The following CAPN13 variants were observed in gnomAD, a reference collection of about 807,000 sequenced individuals.
CAPN13 encodes calpain 13.
CAPN13 carries 90 observed loss-of-function variants against 98.4 expected under a neutral mutation model. The observed-to-expected ratio is 0.92, with a 90% confidence interval of 0.77 to 1.09. The LOEUF is 1.09. Among genes scored for constraint, CAPN13 ranks in the 50% least tolerant of loss-of-function variants. The pLI, the probability that CAPN13 is intolerant of heterozygous loss-of-function variation, is 0.00. For missense variants in CAPN13, 887 were observed against 841.3 expected (o/e 1.05, Z -0.67); for synonymous variants, 330 against 305.5 (o/e 1.08, Z -0.84).
rs780084903 is a variant in CAPN13 at position 30,738,411 on chromosome 2, T to C, written c.1583A>G (p.Glu528Gly). 2.5e-5 allele frequency: 40 copies of C among 1,608,712 alleles called. No homozygotes were observed. The highest frequency in any genetic ancestry group is 6.8e-5 in the Admixed American group (4 of 59,196). The change falls in exon 16 of 23, where the codon GAG becomes GGG. Residue 528 changes from glutamate to glycine, a missense_variant. Coordinates refer to ENST00000295055, the MANE Select transcript of CAPN13 (RefSeq NM_144575.3). ...ATQLQGLLNQ[E>G]LLTGPPGDMF... ...TGGGCTGCTCATACCTGTTAGAAGC[T>C]CCTGGTTGAGAAGGCCCTGAAGCTG...
intron 15 of CAPN13, chr2:30,741,662 C>A: frequency 7.4e-7 from 1 of 1,350,796 alleles, no homozygotes; most frequent in East Asian, 2.9e-5. Flanking sequence ...CATAATTATC[C>A]CCTCCCTTTC....
chr2:30,759,150 C>CCTTAT (rs111480023), intron 7 of CAPN13, among the ~76,000 whole-genome samples: 102,748 of 134,098 alleles, frequency 0.77, 40,104 homozygotes, highest in African/African-American at 0.87. Context: ...TCTTCCCCTT[C>CCTTAT]CTTTTTTCCT....
chr2:30,739,521 C>T (rs1398744813), intron 15 of CAPN13, among the ~76,000 whole-genome samples: 3 of 152,208 alleles, frequency 2.0e-5, no homozygotes, highest in Non-Finnish European at 4.4e-5. Flanking sequence ...AGATGGTCCT[C>T]GGGTCATTTC....
intron 12 of CAPN13, 176 bp from the exon 13 acceptor site, chr2:30,743,755 G>C: frequency 2.8e-6 from 2 of 708,472 alleles, no homozygotes; most frequent in South Asian, 1.5e-5. Flanking sequence ...TGTTTAGCCT[G>C]TCATTTCATC....
intron 1 of CAPN13, among the ~76,000 whole-genome samples, chr2:30,790,977 TAAA>T: frequency 6.6e-6 from 1 of 152,092 alleles, no homozygotes; most frequent in South Asian, 2.1e-4. Flanking sequence ...AATTGCCTCT[TAAA>T]GACCTTATCT....
intron 11 of CAPN13, among the ~76,000 whole-genome samples, chr2:30,749,139 T>G (rs1371208168): frequency 6.6e-6 from 1 of 152,178 alleles, no homozygotes; most frequent in Non-Finnish European, 1.5e-5. Context: ...AATGTGAACA[T>G]GCTTGTACTT....
chr2:30,750,143 T>A (rs1672102098), intron 11 of CAPN13, among the ~76,000 whole-genome samples: 1 of 152,178 alleles, frequency 6.6e-6, no homozygotes, highest in Non-Finnish European at 1.5e-5. Context: ...CAAAAACAGC[T>A]GTTTTTTTCT....
Position 30,789,754 on chromosome 2 carries a change from G to A in CAPN13, c.-32-2397C>T, listed in dbSNP as rs147669337. 4.8e-3 allele frequency among the ~76,000 whole-genome samples: 728 copies of A among 152,350 alleles called. 9 individuals carry two copies. Among genetic ancestry groups the A allele is most frequent in the African/African-American group, 0.016 (657 of 41,574 alleles). On this transcript the variant is annotated intron_variant, in intron 1 of 22. Transcript: ENST00000295055. ...GTAAGTACAAAGCAGCCAATACATG[G>A]TGGTTATTAGGATGATGATCATTGT...
intron 1 of CAPN13, among the ~76,000 whole-genome samples, chr2:30,803,212 G>A (rs780417763): frequency 6.6e-6 from 1 of 152,212 alleles, no homozygotes; most frequent in Non-Finnish European, 1.5e-5. Flanking sequence ...AGAAGAACAG[G>A]GGCAAAGATT....
chr2:30,755,059 T>C (rs1983382), intron 8 of CAPN13, among the ~76,000 whole-genome samples: 2,878 of 152,232 alleles, frequency 0.019, 62 homozygotes, highest in East Asian at 0.094. Flanking sequence ...TTTCTTGCTT[T>C]CTCACCTTAC....
intron 10 of CAPN13, 51 bp downstream of exon 10, chr2:30,753,002 T>C: frequency 6.2e-7 from 1 of 1,605,266 alleles, no homozygotes; most frequent in Non-Finnish European, 8.5e-7. Context: ...AGGGCTGGGC[T>C]GGGGCAGCCA....
chr2:30,788,066 G>A (rs893230735), intron 1 of CAPN13, among the ~76,000 whole-genome samples: 5 of 152,088 alleles, frequency 3.3e-5, no homozygotes, highest in African/African-American at 9.7e-5. Flanking sequence ...AACTTTATAG[G>A]TGGAGAATTG....
At chr2:30,770,138 T>A (rs755536312) in intron 5 of CAPN13, among the ~76,000 whole-genome samples, 175 bp downstream of exon 5, 2 of 152,368 alleles carry the variant, frequency 1.3e-5, no homozygotes, top group Non-Finnish European at 2.9e-5. Context: ...CTTCACTATG[T>A]GCCTGTGGGA....
chr2:30,728,737 T>C (rs1329146583), intron 22 of CAPN13, among the ~76,000 whole-genome samples: 1 of 152,124 alleles, frequency 6.6e-6, no homozygotes, highest in East Asian at 1.9e-4. Flanking sequence ...AATGATTGGA[T>C]TTGAATTTTA....
At chr2:30,745,682 C>G (rs1236453071) in intron 12 of CAPN13, 41 bp downstream of exon 12, 2 of 1,594,262 alleles carry the variant, frequency 1.3e-6, no homozygotes, top group Admixed American at 3.4e-5. Flanking sequence ...CACCAGCAGA[C>G]AGCAGCAGAG....
At chr2:30,772,876 T>C (rs958383589) in intron 4 of CAPN13, among the ~76,000 whole-genome samples, 12 of 151,590 alleles carry the variant, frequency 7.9e-5, no homozygotes, top group Non-Finnish European at 1.8e-4. Context: ...TGGAGTGCAG[T>C]AGTGCAGTGG....
intron 8 of CAPN13, among the ~76,000 whole-genome samples, chr2:30,755,190 G>A (rs1672382474): frequency 6.6e-6 from 1 of 150,918 alleles, no homozygotes; most frequent in Non-Finnish European, 1.5e-5. Flanking sequence ...CCTCCTCTCA[G>A]TTCTGTAACC....
At chr2:30,755,539 G>A (rs1672400995) in intron 8 of CAPN13, among the ~76,000 whole-genome samples, 1 of 152,040 alleles carries the variant, frequency 6.6e-6, no homozygotes, top group Admixed American at 6.6e-5. Context: ...CCAGTCCTTG[G>A]GTCTCTGGTG....
At chr2:30,774,275 AT>A (rs1362921364) in intron 4 of CAPN13, among the ~76,000 whole-genome samples, 7 of 152,050 alleles carry the variant, frequency 4.6e-5, no homozygotes, top group Admixed American at 1.3e-4. Flanking sequence ...GTATAAAGGA[AT>A]TAATAAAGAT....
Sources: allele counts gnomAD v4.1 joint callset (sites outside exome capture counted in the v4.1 genomes callset), GRCh38; gene constraint gnomAD v4.1.1; transcripts MANE v1.5; gene names NCBI Gene and HGNC (gene_info 2026-07-23, HGNC 2026-07-21).